Variants in MAGI1 observed in about 807,000 individuals in gnomAD.
MAGI1 encodes membrane associated guanylate kinase, WW and PDZ domain containing 1, also known as membrane-associated guanylate kinase, WW and PDZ domain-containing protein 1.
A neutral mutation model predicts 139.9 loss-of-function variants in MAGI1; 58 were observed. The observed-to-expected ratio is 0.41, with a 90% CI of 0.34 to 0.52. MAGI1 has a LOEUF of 0.52. MAGI1 is among the 20% of genes least tolerant of loss of function. The probability of loss-of-function intolerance (pLI) is 0.12; values close to 1 mark genes in which losing one functional copy is unlikely to be tolerated. For missense variants in MAGI1, 1,874 were observed against 1,901.6 expected (o/e 0.99, Z 0.27); for synonymous variants, 812 against 737.9 (o/e 1.10, Z -1.63).
chr3:65,563,680 T>TA (rs2080474826), intron 2 of MAGI1, among the ~76,000 whole-genome samples: 1 of 152,150 alleles, frequency 6.6e-6, no homozygotes. Flanking sequence ...AACCCAGACT[T>TA]AGCCACTTAG....
chr3:66,022,483 T>C (rs1475536581), intron 1 of MAGI1, among the ~76,000 whole-genome samples: 1 of 152,192 alleles, frequency 6.6e-6, no homozygotes, highest in Non-Finnish European at 1.5e-5. Flanking sequence ...AAAAATAAAT[T>C]TATAGGGTTA....
chr3:65,956,225 A>G (rs189874587), intron 1 of MAGI1, among the ~76,000 whole-genome samples: 1 of 152,308 alleles, frequency 6.6e-6, no homozygotes. Flanking sequence ...TCACTGTTTG[A>G]TAATAACTAT....
intron 1 of MAGI1, among the ~76,000 whole-genome samples, chr3:65,878,624 A>G (rs184321675): frequency 1.9e-4 from 29 of 152,300 alleles, no homozygotes; most frequent in African/African-American, 6.7e-4. Flanking sequence ...TTATACCCCA[A>G]TATTAGAAGG....
intron 1 of MAGI1, among the ~76,000 whole-genome samples, chr3:65,837,045 T>G (rs2042849318): frequency 6.6e-6 from 1 of 152,118 alleles, no homozygotes; most frequent in Non-Finnish European, 1.5e-5. Flanking sequence ...TGACACCTTT[T>G]GGAAGAGGTT....
intron 2 of MAGI1, among the ~76,000 whole-genome samples, chr3:65,583,668 T>C (rs2081541702): frequency 1.3e-5 from 2 of 152,114 alleles, no homozygotes; most frequent in Non-Finnish European, 2.9e-5. Flanking sequence ...CTTCTCACTA[T>C]AAACTGCACT....
intron 1 of MAGI1, among the ~76,000 whole-genome samples, chr3:66,011,002 G>A (rs1229880467): frequency 1.3e-5 from 2 of 152,220 alleles, no homozygotes; most frequent in African/African-American, 2.4e-5. Flanking sequence ...GAGGCCTGTT[G>A]AGTCAAGTGC....
chr3:65,764,378 C>G (rs900193869), intron 1 of MAGI1, among the ~76,000 whole-genome samples: 27 of 152,298 alleles, frequency 1.8e-4, no homozygotes, highest in African/African-American at 6.3e-4. Context: ...CCCTCTCCCC[C>G]ACTATTCAAA....
At chr3:65,848,753 T>C (rs993824396) in intron 1 of MAGI1, among the ~76,000 whole-genome samples, 3 of 152,052 alleles carry the variant, frequency 2.0e-5, no homozygotes, top group African/African-American at 7.2e-5. Flanking sequence ...ATGTTCTTGA[T>C]CGTTATTTAA....
At chr3:65,648,326 C>T (rs1417317083) in intron 1 of MAGI1, among the ~76,000 whole-genome samples, 8 of 150,330 alleles carry the variant, frequency 5.3e-5, no homozygotes, top group Admixed American at 2.0e-4. Flanking sequence ...TGCGCGTGCG[C>T]GTGCACACAG....
At chr3:65,542,715 C>A (rs1383702515) in intron 2 of MAGI1, among the ~76,000 whole-genome samples, 1 of 152,168 alleles carries the variant, frequency 6.6e-6, no homozygotes, top group Non-Finnish European at 1.5e-5. Flanking sequence ...GAAACTGAAA[C>A]TGGACCCCTT....
intron 1 of MAGI1, among the ~76,000 whole-genome samples, chr3:65,967,143 G>A (rs543938979): frequency 6.6e-6 from 1 of 152,042 alleles, no homozygotes; most frequent in Non-Finnish European, 1.5e-5. Context: ...CCCATACCAT[G>A]GTGCCTTTGA....
At chr3:65,714,695 A>G (rs1160849668) in intron 1 of MAGI1, among the ~76,000 whole-genome samples, 2 of 152,120 alleles carry the variant, frequency 1.3e-5, no homozygotes, top group African/African-American at 4.8e-5. Flanking sequence ...GTGAGCCTCA[A>G]TTTAGCTTTC....
chr3:65,714,509 G>C lies in MAGI1; in HGVS notation c.314-92421C>G, dbSNP rs562817017. ...GGACTTGGGGAGCATGGGAGCCTAC[G>C]TAAACATGATGCTCATGCCACTTGT... is the stretch of plus-strand genomic sequence containing the variant. On this transcript the variant is annotated intron_variant, in intron 1 of 22. Coordinates refer to ENST00000402939, the MANE Select transcript of MAGI1 (RefSeq NM_001033057.2). Among the ~76,000 whole-genome samples, 308 of 152,182 alleles carry C rather than the reference G, an allele frequency of 2.0e-3. 1 individual carries two copies. The highest frequency in any genetic ancestry group is 7.1e-3 in the African/African-American group (296 of 41,524).
intron 1 of MAGI1, among the ~76,000 whole-genome samples, chr3:65,635,291 C>T (rs1262641228): frequency 6.6e-6 from 1 of 152,100 alleles, no homozygotes; most frequent in East Asian, 1.9e-4. Context: ...TCTCAAACTC[C>T]TCACCTCATG....
At chr3:66,017,531 G>C (rs1407374339) in intron 1 of MAGI1, among the ~76,000 whole-genome samples, 2 of 152,184 alleles carry the variant, frequency 1.3e-5, no homozygotes, top group Non-Finnish European at 2.9e-5. Flanking sequence ...CGAACACCAA[G>C]CTAGAGGAAA....
At chr3:65,841,335 C>A (rs553842767) in intron 1 of MAGI1, among the ~76,000 whole-genome samples, 33 of 151,884 alleles carry the variant, frequency 2.2e-4, no homozygotes, top group African/African-American at 8.0e-4. Flanking sequence ...TTTTGCTCCT[C>A]GTCTTCTAGT....
chr3:65,962,750 G>A (rs1344228348), intron 1 of MAGI1, among the ~76,000 whole-genome samples: 1 of 149,836 alleles, frequency 6.7e-6, no homozygotes, highest in Non-Finnish European at 1.5e-5. Context: ...ACTTGAACAT[G>A]GGAGGCAGAG....
chr3:65,423,363 C>T (rs1946770419), intron 12 of MAGI1, among the ~76,000 whole-genome samples: 1 of 150,252 alleles, frequency 6.7e-6, no homozygotes, highest in Non-Finnish European at 1.5e-5. Flanking sequence ...TTCAGAAAAA[C>T]ACACGTGCGT....
At chr3:65,645,180 C>T (rs2085193900) in intron 1 of MAGI1, among the ~76,000 whole-genome samples, 1 of 151,444 alleles carries the variant, frequency 6.6e-6, no homozygotes, top group Non-Finnish European at 1.5e-5. Flanking sequence ...TTAAAGTTAG[C>T]AAAATATATA....
Sources: allele counts gnomAD v4.1 joint callset (sites outside exome capture counted in the v4.1 genomes callset), GRCh38; gene constraint gnomAD v4.1.1; transcripts MANE v1.5; gene names NCBI Gene and HGNC (gene_info 2026-07-23, HGNC 2026-07-21).